Variants in SHQ1 observed in about 807,000 individuals in gnomAD.
SHQ1 encodes the protein protein SHQ1 homolog.
In SHQ1, 49 loss-of-function variants were observed where a neutral mutation model predicts 53.8. The observed-to-expected ratio is 0.91, with a 90% CI of 0.72 to 1.16. The LOEUF is 1.16. Among genes scored for constraint, SHQ1 ranks in the 50% most tolerant of loss-of-function variants. The pLI is 0.00. For missense variants in SHQ1, 738 were observed against 683.1 expected (o/e 1.08, Z -0.90); for synonymous variants, 243 against 251.0 (o/e 0.97, Z 0.30).
At chr3:72,806,551 G>C (rs1706953070) in intron 9 of SHQ1, among the ~76,000 whole-genome samples, 1 of 152,156 alleles carries the variant, frequency 6.6e-6, no homozygotes, top group Admixed American at 6.6e-5. Context: ...TTAAAAAGTA[G>C]AGACATAAAT....
At chr3:72,848,086 T>A (rs1212545101) in intron 1 of SHQ1, 112 bp downstream of exon 1, 3 of 1,332,088 alleles carry the variant, frequency 2.3e-6, no homozygotes, top group Admixed American at 1.9e-5. Context: ...TGCGGAAACG[T>A]CGGGAAAAGG....
the SHQ1 span, among the ~76,000 whole-genome samples, chr3:72,733,973 G>C: frequency 6.6e-6 from 1 of 151,318 alleles, no homozygotes; most frequent in Non-Finnish European, 1.5e-5. Context: ...AGTTCAACCA[G>C]CCTAGGCAAC....
At chr3:72,726,836 T>A in the SHQ1 span, among the ~76,000 whole-genome samples, 2 of 152,116 alleles carry the variant, frequency 1.3e-5, no homozygotes, top group African/African-American at 2.4e-5. Context: ...ATCCCTGGGA[T>A]TTCCACCTCA....
chr3:72,847,354 T>G (rs1708371599), intron 1 of SHQ1, among the ~76,000 whole-genome samples: 1 of 152,102 alleles, frequency 6.6e-6, no homozygotes, highest in Non-Finnish European at 1.5e-5. Flanking sequence ...GGAGGATGGA[T>G]AAAGAGAAGG....
chr3:72,840,596 C>T (rs1193955417), intron 4 of SHQ1, among the ~76,000 whole-genome samples: 1 of 151,574 alleles, frequency 6.6e-6, no homozygotes, highest in Middle Eastern at 3.2e-3. Context: ...AAAATGGTGC[C>T]TACTATACAC....
chr3:72,838,306 T>C (rs1335133982), intron 4 of SHQ1, among the ~76,000 whole-genome samples: 1 of 152,254 alleles, frequency 6.6e-6, no homozygotes, highest in African/African-American at 2.4e-5. Context: ...AGTAGTATAC[T>C]ATTTACGTTA....
At chr3:72,800,979 A>C (rs1706769441) in intron 9 of SHQ1, among the ~76,000 whole-genome samples, 1 of 152,234 alleles carries the variant, frequency 6.6e-6, no homozygotes, top group African/African-American at 2.4e-5. Context: ...GACAGCCTTG[A>C]CATTAACTCT....
chr3:72,808,566 G>A (rs1020434971), intron 9 of SHQ1, among the ~76,000 whole-genome samples: 4 of 152,026 alleles, frequency 2.6e-5, no homozygotes, highest in African/African-American at 9.7e-5. Context: ...TGCAATATGA[G>A]CAAAATGAGA....
intron 5 of SHQ1, among the ~76,000 whole-genome samples, chr3:72,825,399 C>CACACACACACACA (rs60540652): frequency 6.7e-6 from 1 of 149,410 alleles, no homozygotes; most frequent in African/African-American, 2.5e-5. Context: ...CACACACACA[C>CACACACACACACA]CATTTTTGGC....
chr3:72,843,787 T>C (rs1390278640), intron 2 of SHQ1, among the ~76,000 whole-genome samples: 1 of 148,272 alleles, frequency 6.7e-6, no homozygotes, highest in African/African-American at 2.5e-5. Context: ...CTGAGGTCAA[T>C]ATTCATTGAA....
chr3:72,739,294 C>T, the SHQ1 span, among the ~76,000 whole-genome samples: 3 of 152,284 alleles, frequency 2.0e-5, no homozygotes, highest in Non-Finnish European at 4.4e-5. Context: ...TGCCCATCCA[C>T]CGACAATCCC....
At chr3:72,843,007 G>C (rs971415279) in intron 2 of SHQ1, among the ~76,000 whole-genome samples, 1 of 151,214 alleles carries the variant, frequency 6.6e-6, no homozygotes, top group African/African-American at 2.4e-5. Context: ...AACCCAGGAG[G>C]AAGAGGTTGC....
At chr3:72,746,705 A>C (rs1217513897), downstream of SHQ1, among the ~76,000 whole-genome samples, 3 of 152,208 alleles carry the variant, frequency 2.0e-5, no homozygotes, top group African/African-American at 7.2e-5. Flanking sequence ...TTTCTACCCA[A>C]GACAAGTCTC....
Position 72,817,333 on chromosome 3 carries a change from G to A in SHQ1, c.779C>T (p.Ser260Phe). 1 of 1,613,282 alleles carries A rather than the reference G, an allele frequency of 6.2e-7. No individual in the cohort carries two copies. Among genetic ancestry groups the A allele is most frequent in the Admixed American group, 1.7e-5 (1 of 59,944 alleles). The change falls in exon 7 of 11, where the codon TCT becomes TTT. Residue 260 changes from serine to phenylalanine, a missense_variant. By Grantham distance (155) the Ser-to-Phe change is radical (BLOSUM62 -2). Transcript: ENST00000325599. ...KYQLRKFVNK[S>F]YLLDKRACRQ... ...ACAGGCTCTCTTGTCCAGCAGATAA[G>A]ATTTATTGACAAATTTTCGTAGCTG...
Position 72,842,402 on chromosome 3 carries a change from C to T in SHQ1, c.209G>A (p.Gly70Glu). The change falls in exon 3 of 11, where the codon GGA (glycine) becomes GAA (glutamate). Residue 70 changes from glycine (G) to glutamate (E), a missense_variant and splice_region_variant. Physicochemically the swap from Gly to Glu is moderately conservative, Grantham distance 98. Coordinates refer to ENST00000325599, the MANE Select transcript of SHQ1 (RefSeq NM_018130.3). ...SEQGSYDADK[G>E]IFTIRLPKET... is the part of the protein sequence containing the mutation. ...TTTGGGCAGGCGAATGGTAAAAATT[C>T]CTTAAAGATAAATTTGTTTTATGCT... 6.2e-7 allele frequency: 1 copy of T among 1,612,372 alleles called. No individual in the cohort carries two copies. The highest frequency in any genetic ancestry group is 1.1e-5 in the South Asian group (1 of 91,002).
chr3:72,771,863 C>G (rs1705859515), intron 10 of SHQ1, among the ~76,000 whole-genome samples: 1 of 152,176 alleles, frequency 6.6e-6, no homozygotes, highest in African/African-American at 2.4e-5. Context: ...GTGAAGAAAG[C>G]AGATTTCAAT....
At chr3:72,761,565 G>A (rs1229178344) in intron 10 of SHQ1, among the ~76,000 whole-genome samples, 3 of 152,170 alleles carry the variant, frequency 2.0e-5, no homozygotes, top group African/African-American at 7.2e-5. Flanking sequence ...TGGATGCTAT[G>A]CAAAAGGACA....
At chr3:72,822,101 C>A (rs750243193) in intron 6 of SHQ1, among the ~76,000 whole-genome samples, 4 of 152,166 alleles carry the variant, frequency 2.6e-5, no homozygotes, top group Non-Finnish European at 5.9e-5. Flanking sequence ...GTACAGCATT[C>A]CACAGCAACC....
chr3:72,732,388 G>GCCTTCCTTCCTTCCTCCCTTCCTTCCTT, the SHQ1 span, among the ~76,000 whole-genome samples: 2 of 58,112 alleles, frequency 3.4e-5, no homozygotes, highest in Non-Finnish European at 7.3e-5. Flanking sequence ...CTGCCTGCCT[G>GCCTTCCTTCCTTCCTCCCTTCCTTCCTT]CCTTCCTTCC....
Sources: allele counts gnomAD v4.1 joint callset (sites outside exome capture counted in the v4.1 genomes callset), GRCh38; gene constraint gnomAD v4.1.1; transcripts MANE v1.5; gene names NCBI Gene and HGNC (gene_info 2026-07-23, HGNC 2026-07-21).